The following MALRD1 variants were observed in gnomAD, a reference collection of about 807,000 sequenced individuals.
MALRD1 encodes the protein MAM and LDL-receptor class A domain-containing protein 1.
A neutral mutation model predicts 242.1 loss-of-function variants in MALRD1; 247 were observed. The observed-to-expected ratio is 1.02, with a 90% confidence interval of 0.92 to 1.13. MALRD1 has a LOEUF of 1.13. Among genes scored for constraint, MALRD1 ranks in the 50% most tolerant of loss-of-function variants. The pLI is 0.00. For synonymous variants in MALRD1, 995 were observed against 866.6 expected, an observed-to-expected ratio of 1.15 and a Z score of -2.60; for missense variants, 2,989 against 2,533.1, an observed-to-expected ratio of 1.18 and a Z score of -3.86.
At chr10:19,585,125 T>A (rs931665054) in intron 33 of MALRD1, among the ~76,000 whole-genome samples, 10 of 152,146 alleles carry the variant, frequency 6.6e-5, no homozygotes, top group African/African-American at 1.4e-4. Context: ...GTGTCTCTGC[T>A]CGTGAGATGC....
intron 2 of MALRD1, among the ~76,000 whole-genome samples, chr10:19,074,116 A>G (rs142549852): frequency 1.1e-3 from 165 of 152,240 alleles, no homozygotes; most frequent in African/African-American, 3.3e-3. Flanking sequence ...GTGAATGTCA[A>G]GAATTATGTC....
chr10:19,221,312 A>G (rs899383899), intron 18 of MALRD1, among the ~76,000 whole-genome samples: 6 of 152,152 alleles, frequency 3.9e-5, no homozygotes, highest in African/African-American at 1.4e-4. Flanking sequence ...ATAAATGCTG[A>G]AAGTATAAAT....
intron 36 of MALRD1, among the ~76,000 whole-genome samples, chr10:19,641,680 G>T (rs1247821499): frequency 3.9e-5 from 6 of 152,074 alleles, no homozygotes; most frequent in Admixed American, 3.9e-4. Context: ...TAGCATTGTG[G>T]CTATGTTTCT....
chr10:19,075,281 C>T (rs2131266127), intron 2 of MALRD1, among the ~76,000 whole-genome samples: 1 of 152,148 alleles, frequency 6.6e-6, no homozygotes, highest in Non-Finnish European at 1.5e-5. Flanking sequence ...CAATCAAAGA[C>T]TAATCTGGCC....
intron 32 of MALRD1, among the ~76,000 whole-genome samples, chr10:19,539,909 T>C (rs57516872): frequency 0.17 from 4,326 of 25,602 alleles, 185 homozygotes; most frequent in African/African-American, 0.26. Flanking sequence ...CGCGCGCGCG[T>C]GCGCGCACAC....
At position 19,697,782 on chromosome 10, in the gene MALRD1, G is replaced by C. The variant is rs1833445802; in HGVS notation, c.6314+5228G>C. ...TAATTTTACATGTTCCTTTCTCTTT[G>C]CTTCTTACCTTCTTTCTTTGCCAGG... is the stretch of plus-strand genomic sequence containing the variant. On this transcript the variant is annotated intron_variant, in intron 38 of 39. Coordinates refer to ENST00000454679, the MANE Select transcript of MALRD1 (RefSeq NM_001142308.3). Among the ~76,000 whole-genome samples the C allele has an allele frequency of 2.6e-5, 4 of 151,958 alleles. No individual in the cohort carries two copies. In the South Asian group the frequency reaches 6.2e-4, roughly 24 times the overall value.
At chr10:19,226,518 C>T (rs1295320203) in intron 18 of MALRD1, among the ~76,000 whole-genome samples, 2 of 151,966 alleles carry the variant, frequency 1.3e-5, no homozygotes, top group Non-Finnish European at 2.9e-5. Context: ...GTGTTTAATA[C>T]TTATGAGATG....
intron 32 of MALRD1, among the ~76,000 whole-genome samples, chr10:19,539,103 A>G (rs1431752282): frequency 6.6e-6 from 1 of 152,226 alleles, no homozygotes; most frequent in African/African-American, 2.4e-5. Flanking sequence ...ATGGAGAATA[A>G]TATCAGAGTC....
intron 36 of MALRD1, among the ~76,000 whole-genome samples, chr10:19,683,278 C>T (rs1842450913): frequency 2.0e-5 from 3 of 152,320 alleles, no homozygotes; most frequent in South Asian, 4.1e-4. Flanking sequence ...GATCCAGCTC[C>T]CTGGCAGGCC....
intron 21 of MALRD1, among the ~76,000 whole-genome samples, chr10:19,321,748 C>T (rs375021784): frequency 6.6e-6 from 1 of 152,220 alleles, no homozygotes; most frequent in African/African-American, 2.4e-5. Context: ...TGTATGTTTG[C>T]ACCCATTAAT....
chr10:19,551,949 T>G (rs940968308), intron 32 of MALRD1, among the ~76,000 whole-genome samples: 4 of 152,142 alleles, frequency 2.6e-5, no homozygotes, highest in African/African-American at 9.7e-5. Context: ...GCTACTTGAT[T>G]GTGGTAAATA....
At chr10:19,635,882 T>A (rs1840105397) in intron 36 of MALRD1, among the ~76,000 whole-genome samples, 1 of 152,086 alleles carries the variant, frequency 6.6e-6, no homozygotes, top group Non-Finnish European at 1.5e-5. Context: ...TTTAATTTTT[T>A]ATTGTAGTTA....
intron 24 of MALRD1, 23 bp downstream of exon 24, chr10:19,331,605 C>T (rs909291583): frequency 1.9e-6 from 3 of 1,539,558 alleles, no homozygotes; most frequent in Non-Finnish European, 8.8e-7. Flanking sequence ...GTTCTGTTTT[C>T]TTACTTTTGC....
intron 19 of MALRD1, among the ~76,000 whole-genome samples, chr10:19,263,050 G>T (rs1402598593): frequency 2.0e-5 from 3 of 152,074 alleles, no homozygotes; most frequent in South Asian, 2.1e-4. Context: ...CATGTAAGTT[G>T]TTTCCCTATT....
chr10:19,667,158 CA>C (rs1434900417), intron 36 of MALRD1, among the ~76,000 whole-genome samples: 1 of 152,042 alleles, frequency 6.6e-6, no homozygotes, highest in Non-Finnish European at 1.5e-5. Context: ...AAAATTGTGC[CA>C]AAAACTTTGG....
At chr10:19,491,255 C>G in intron 29 of MALRD1, 1 of 688,522 alleles carries the variant, frequency 1.5e-6, no homozygotes, top group Non-Finnish European at 2.4e-6. Flanking sequence ...ATTTGAGTGT[C>G]TCATCCATGA....
chr10:19,346,733 C>T lies in MALRD1; in HGVS notation c.3902-1038C>T, dbSNP rs186934467. Among the ~76,000 whole-genome samples the T allele has an allele frequency of 8.7e-4, 132 of 152,248 alleles. 1 individual carries two copies. The highest frequency in any genetic ancestry group is 3.1e-3 in the African/African-American group (128 of 41,544). On this transcript the variant is annotated intron_variant, in intron 24 of 39. Transcript: ENST00000454679. The stretch of plus-strand genomic sequence containing the variant: ...ATGGCACAGTCTCGCTCACTGCACC[C>T]TCTACCTCCTGGGTTCAAGCAATTC...
chr10:19,051,823 G>A (rs527637668), intron 1 of MALRD1: 4 of 157,166 alleles, frequency 2.5e-5, no homozygotes, highest in African/African-American at 9.8e-5. Context: ...TTGGGAGGCT[G>A]AGGCAGGAGA....
rs537869662 is a variant in MALRD1, at chr10:19,357,602, T to G, written c.4441+5305T>G. The stretch of plus-strand genomic sequence containing the variant: ...TATTATTTATTGAAAACATCTCTTA[T>G]TTTTGATGTCTCATGAGTAGTGTAT... On this transcript the variant is annotated intron_variant, in intron 26 of 39. Coordinates refer to ENST00000454679, the MANE Select transcript of MALRD1 (RefSeq NM_001142308.3). Among the ~76,000 whole-genome samples the G allele has an allele frequency of 7.2e-5, 11 of 152,274 alleles. No homozygotes were observed. The South Asian group carries it at 2.3e-3, about 32-fold the overall frequency.
Sources: gnomAD v4.1 joint callset for allele counts (sites outside exome capture counted in the v4.1 genomes callset) on GRCh38, gnomAD v4.1.1 for gene constraint, MANE v1.5 for transcripts, NCBI Gene and HGNC (gene_info 2026-07-23, HGNC 2026-07-21) for gene names.